GALNTL6: variants seen among roughly 807,000 people sequenced by gnomAD.
The protein encoded by GALNTL6 is polypeptide N-acetylgalactosaminyltransferase-like 6.
GALNTL6 carries 46 observed loss-of-function variants against 73.7 expected under a neutral mutation model. That is an observed-to-expected ratio of 0.62 (90% CI 0.49 to 0.80). The LOEUF (loss-of-function observed/expected upper bound fraction) is 0.80, where lower values mean the gene tolerates loss of function less well. Ranked by LOEUF, GALNTL6 falls within the 30% of genes least tolerant of loss-of-function variation. GALNTL6 has a pLI of 0.00. For missense variants in GALNTL6, 604 were observed against 755.0 expected (o/e 0.80, Z 2.34); for synonymous variants, 259 against 263.7 (o/e 0.98, Z 0.17).
intron 2 of GALNTL6, among the ~76,000 whole-genome samples, chr4:172,093,024 C>A (rs1054938497): frequency 6.6e-6 from 1 of 151,870 alleles, no homozygotes; most frequent in African/African-American, 2.4e-5. Flanking sequence ...CAGGCGCCCA[C>A]CACCACGCCT....
intron 10 of GALNTL6, among the ~76,000 whole-genome samples, chr4:172,985,773 G>A (rs1194037647): frequency 6.6e-6 from 1 of 152,188 alleles, no homozygotes; most frequent in South Asian, 2.1e-4. Flanking sequence ...ACTGGTCTAG[G>A]TGGCACCACC....
chr4:171,940,651 G>T (rs746047615), intron 2 of GALNTL6, among the ~76,000 whole-genome samples: 2 of 151,602 alleles, frequency 1.3e-5, no homozygotes, highest in Non-Finnish European at 2.9e-5. Flanking sequence ...GTGAAACCAC[G>T]TCTCTACTAA....
At chr4:172,084,040 C>T (rs1731957760) in intron 2 of GALNTL6, among the ~76,000 whole-genome samples, 1 of 152,140 alleles carries the variant, frequency 6.6e-6, no homozygotes, top group African/African-American at 2.4e-5. Flanking sequence ...GCAGAAGGAA[C>T]ACCTGCAGAG....
chr4:172,342,401 G>T (rs1455193894), intron 4 of GALNTL6, among the ~76,000 whole-genome samples: 2 of 152,152 alleles, frequency 1.3e-5, no homozygotes, highest in Non-Finnish European at 1.5e-5. Flanking sequence ...TATAATTACT[G>T]AATTTTCAGA....
chr4:172,231,122 T>C lies in GALNTL6; in HGVS notation c.247+1358T>C, dbSNP rs1378179250. On this transcript the variant is annotated intron_variant, in intron 3 of 12. Coordinates refer to ENST00000506823, the MANE Select transcript of GALNTL6 (RefSeq NM_001034845.3). ...TCCACCTTGGCAGTGACCCCATGAA[T>C]GGTCGTGAAAATGAGTTCCTTACCA... 2.6e-5 allele frequency among the ~76,000 whole-genome samples: 4 copies of C among 152,312 alleles called. No homozygotes were observed. In the South Asian group the frequency reaches 6.2e-4, roughly 24 times the overall value.
At chr4:172,635,292 G>T (rs564127857) in intron 5 of GALNTL6, among the ~76,000 whole-genome samples, 27 of 152,006 alleles carry the variant, frequency 1.8e-4, no homozygotes, top group Non-Finnish European at 3.2e-4. Context: ...AATATAGTGC[G>T]ACTGTTTATT....
rs370755548 is a variant in GALNTL6 at position 172,037,095 on chromosome 4, A to T, written c.139-192561A>T. On this transcript the variant is annotated intron_variant, in intron 2 of 12. Coordinates refer to ENST00000506823, the MANE Select transcript of GALNTL6 (RefSeq NM_001034845.3). ...TGGCACTTGGCTATGGACTATATGT[A>T]TACATAAATTTAAAAAGCCTGAAAT... 7.9e-5 allele frequency among the ~76,000 whole-genome samples: 12 copies of T among 152,286 alleles called. No homozygotes were observed. In the South Asian group the frequency reaches 1.2e-3, roughly 16 times the overall value.
chr4:172,735,154 A>G (rs936336231), intron 5 of GALNTL6, among the ~76,000 whole-genome samples: 1 of 152,124 alleles, frequency 6.6e-6, no homozygotes, highest in Non-Finnish European at 1.5e-5. Context: ...GACAGCTTGC[A>G]CTATGCACCT....
At chr4:172,010,936 G>A (rs1217241310) in intron 2 of GALNTL6, among the ~76,000 whole-genome samples, 1 of 151,970 alleles carries the variant, frequency 6.6e-6, no homozygotes, top group Non-Finnish European at 1.5e-5. Flanking sequence ...TAAGATGGAT[G>A]CTATATATTC....
chr4:171,883,362 TA>T (rs1736510563), intron 2 of GALNTL6, among the ~76,000 whole-genome samples: 1 of 151,924 alleles, frequency 6.6e-6, no homozygotes, highest in African/African-American at 2.4e-5. Context: ...AAAACAAAAG[TA>T]AAAATAAAAG....
At chr4:171,975,543 C>T (rs914524295) in intron 2 of GALNTL6, among the ~76,000 whole-genome samples, 1 of 141,234 alleles carries the variant, frequency 7.1e-6, no homozygotes, top group East Asian at 2.2e-4. Context: ...TTAGGCTGAA[C>T]TGGGGCTAGT....
At chr4:172,832,105 A>G (rs994909906) in intron 7 of GALNTL6, among the ~76,000 whole-genome samples, 1 of 152,012 alleles carries the variant, frequency 6.6e-6, no homozygotes, top group African/African-American at 2.4e-5. Context: ...TGGACACTAG[A>G]TTTGTCATCT....
At chr4:172,300,233 C>A (rs1334490980) in intron 3 of GALNTL6, among the ~76,000 whole-genome samples, 1 of 152,088 alleles carries the variant, frequency 6.6e-6, no homozygotes, top group East Asian at 1.9e-4. Context: ...GTAGATCTTC[C>A]TTCATCCCTT....
intron 5 of GALNTL6, among the ~76,000 whole-genome samples, chr4:172,605,134 C>T (rs550404682): frequency 3.9e-5 from 6 of 152,240 alleles, no homozygotes; most frequent in South Asian, 4.2e-4. Flanking sequence ...TACATCAAAG[C>T]CACTGACAGT....
At chr4:172,803,957 G>A (rs1320450506) in intron 5 of GALNTL6, among the ~76,000 whole-genome samples, 1 of 152,144 alleles carries the variant, frequency 6.6e-6, no homozygotes, top group Non-Finnish European at 1.5e-5. Flanking sequence ...GACTGATTTA[G>A]TGTGTTCTAC....
intron 2 of GALNTL6, among the ~76,000 whole-genome samples, chr4:172,212,013 G>A (rs961259814): frequency 1.3e-5 from 2 of 152,118 alleles, no homozygotes; most frequent in African/African-American, 4.8e-5. Flanking sequence ...TTTGTTTTGT[G>A]TTGTTTGTCT....
intron 2 of GALNTL6, among the ~76,000 whole-genome samples, chr4:171,960,165 G>A (rs1456467272): frequency 6.6e-6 from 1 of 152,092 alleles, no homozygotes; most frequent in Non-Finnish European, 1.5e-5. Context: ...ATTGAATTTG[G>A]CTACTCTTTA....
At chr4:172,481,532 A>G (rs1436007555) in intron 5 of GALNTL6, among the ~76,000 whole-genome samples, 1 of 151,772 alleles carries the variant, frequency 6.6e-6, no homozygotes, top group African/African-American at 2.4e-5. Context: ...TTTTACAGAG[A>G]GCTGATTGGT....
chr4:172,109,609 A>G (rs1313652420), intron 2 of GALNTL6, among the ~76,000 whole-genome samples: 1 of 152,240 alleles, frequency 6.6e-6, no homozygotes, highest in Non-Finnish European at 1.5e-5. Flanking sequence ...AAACCACTAA[A>G]TAAAGACAAA....
Sources: gnomAD v4.1 joint callset for allele counts (sites outside exome capture counted in the v4.1 genomes callset) on GRCh38, gnomAD v4.1.1 for gene constraint, MANE v1.5 for transcripts, NCBI Gene and HGNC (gene_info 2026-07-23, HGNC 2026-07-21) for gene names.